ANKRD13C: variants seen among roughly 807,000 people sequenced by gnomAD.
ANKRD13C encodes ankyrin repeat domain-containing protein 13C.
Under a neutral mutation model 65.5 loss-of-function variants are expected in ANKRD13C, and 16 were observed. The observed-to-expected ratio is 0.24, with a 90% CI of 0.17 to 0.37. The LOEUF (loss-of-function observed/expected upper bound fraction) is 0.37. Among genes scored for constraint, ANKRD13C ranks in the 10% least tolerant of loss-of-function variants. The probability of loss-of-function intolerance (pLI) is 1.00; values close to 1 mark genes in which losing one functional copy is unlikely to be tolerated. For synonymous variants in ANKRD13C, 235 were observed against 238.7 expected, an observed-to-expected ratio of 0.98 and a Z score of 0.14; for missense variants, 503 against 655.9, an observed-to-expected ratio of 0.77 and a Z score of 2.55.
chr1:70,336,239 TA>T (rs1197711302), intron 1 of ANKRD13C, 140 bp from the exon 2 acceptor site: 1 of 243,614 alleles, frequency 4.1e-6, no homozygotes, highest in African/African-American at 2.3e-5. Flanking sequence ...TAATATTGCT[TA>T]TATAGCAAAT....
chr1:70,290,843 C>T (rs1250958712), intron 9 of ANKRD13C, among the ~76,000 whole-genome samples: 1 of 151,914 alleles, frequency 6.6e-6, no homozygotes, highest in Non-Finnish European at 1.5e-5. Flanking sequence ...CAGGTGCGAG[C>T]CACTGTGCCT....
chr1:70,276,965 T>C (rs1679167271), intron 9 of ANKRD13C, 121 bp from the exon 10 acceptor site: 2 of 753,100 alleles, frequency 2.7e-6, no homozygotes, highest in East Asian at 2.8e-5. Flanking sequence ...ATCTCTTCAA[T>C]ATAATACTTG....
intron 12 of ANKRD13C, among the ~76,000 whole-genome samples, chr1:70,270,242 G>A (rs1678820185): frequency 6.6e-6 from 1 of 152,134 alleles, no homozygotes; most frequent in Non-Finnish European, 1.5e-5. Context: ...TATTTCACAT[G>A]AAAAACATTA....
intron 6 of ANKRD13C, 149 bp from the exon 7 acceptor site, chr1:70,301,057 G>A: frequency 7.4e-6 from 5 of 673,858 alleles, no homozygotes; most frequent in South Asian, 6.1e-5. Flanking sequence ...CAAATTTATA[G>A]ATAAAAACTA....
chr1:70,330,365 C>A (rs1396057525), intron 2 of ANKRD13C, among the ~76,000 whole-genome samples: 1 of 152,038 alleles, frequency 6.6e-6, no homozygotes, highest in East Asian at 1.9e-4. Flanking sequence ...TGAGACCTGT[C>A]TGGCCAACAT....
chr1:70,285,880 C>T (rs888542919), intron 9 of ANKRD13C, among the ~76,000 whole-genome samples: 8 of 152,094 alleles, frequency 5.3e-5, no homozygotes, highest in East Asian at 3.9e-4. Flanking sequence ...CTGCCACCAC[C>T]GTGCCGGCCA....
At position 70,300,142 on chromosome 1, in the gene ANKRD13C, T is replaced by C. The variant is rs186778264; in HGVS notation, c.921+622A>G. Among the ~76,000 whole-genome samples the C allele has an allele frequency of 3.3e-4, 50 of 152,078 alleles. No individual in the cohort carries two copies. In the East Asian group the frequency reaches 8.3e-3, roughly 25 times the overall value. On this transcript the variant is annotated intron_variant, in intron 7 of 12. Transcript: ENST00000370944. ...AAAAGAAGGTAAGATAAAAAGATAATACATGGTAAAGGTCCAGCACAGGTT... is the reference window on the plus strand; with the variant it reads ...AAAAGAAGGTAAGATAAAAAGATAACACATGGTAAAGGTCCAGCACAGGTT...
chr1:70,291,878 G>T (rs1357635829), intron 9 of ANKRD13C, among the ~76,000 whole-genome samples: 1 of 152,002 alleles, frequency 6.6e-6, no homozygotes, highest in Non-Finnish European at 1.5e-5. Context: ...TAGCACTTTG[G>T]GAGGCTGAGG....
intron 1 of ANKRD13C, among the ~76,000 whole-genome samples, chr1:70,338,035 G>T (rs762114858): frequency 6.6e-6 from 1 of 152,076 alleles, no homozygotes; most frequent in Non-Finnish European, 1.5e-5. Context: ...GGAGGCGAAG[G>T]TTGCGGTGAA....
chr1:70,320,311 C>T (rs372955164), intron 3 of ANKRD13C, among the ~76,000 whole-genome samples: 1 of 151,928 alleles, frequency 6.6e-6, no homozygotes, highest in East Asian at 1.9e-4. Context: ...TAAAATATAA[C>T]AAAATATTAA....
chr1:70,309,723 A>AT (rs1336766625), intron 5 of ANKRD13C, among the ~76,000 whole-genome samples: 2 of 143,102 alleles, frequency 1.4e-5, no homozygotes, highest in East Asian at 4.3e-4. Context: ...CGCAAAAAAA[A>AT]AAAAAAAAAA....
rs1345015960 is a variant in ANKRD13C at position 70,354,438 on chromosome 1, G to T, written c.-30C>A. On this transcript the variant is annotated 5_prime_UTR_variant, in exon 1 of 13. Transcript: ENST00000370944. ...GCCGCCAGGGGCAAGGGGGGGAATC[G>T]GGAGGCTCACCGCTGGCGACGGAGC... The T allele has an allele frequency of 6.3e-7, 1 of 1,593,726 alleles. No individual in the cohort carries two copies. The highest frequency in any genetic ancestry group is 1.1e-5 in the South Asian group (1 of 88,566).
At chr1:70,299,143 C>T (rs979221199) in intron 7 of ANKRD13C, among the ~76,000 whole-genome samples, 1 of 152,080 alleles carries the variant, frequency 6.6e-6, no homozygotes, top group African/African-American at 2.4e-5. Flanking sequence ...AGTGCATGCC[C>T]TACAGGTGTG....
At chr1:70,265,869 A>AGAAGGAAG (rs148005087) in intron 12 of ANKRD13C, among the ~76,000 whole-genome samples, 1 of 146,960 alleles carries the variant, frequency 6.8e-6, no homozygotes, top group African/African-American at 2.6e-5. Context: ...AAAGAAAAGA[A>AGAAGGAAG]GAAGGAAGGA....
In ANKRD13C at chr1:70,342,176, A is replaced by C. The variant is rs371134001; in HGVS notation, c.431-6077T>G. On this transcript the variant is annotated intron_variant, in intron 1 of 12. Transcript: ENST00000370944. The stretch of plus-strand genomic sequence containing the variant: ...ATTTTAAAATAACTCTGAGATTCCA[A>C]GTGAAGACAAATACAAAATCTAGAC... Among the ~76,000 whole-genome samples the C allele has an allele frequency of 5.1e-4, 77 of 152,218 alleles. 2 individuals are homozygous for C. The highest frequency in any genetic ancestry group is 3.4e-3 in the Middle Eastern group (1 of 294).
At chr1:70,293,357 T>C (rs766403313) in intron 8 of ANKRD13C, 1 of 153,844 alleles carries the variant, frequency 6.5e-6, no homozygotes, top group Non-Finnish European at 1.4e-5. Context: ...GCAAATCACA[T>C]GTCTCCACCC....
chr1:70,329,247 T>C (rs746133535), intron 2 of ANKRD13C, among the ~76,000 whole-genome samples: 20 of 152,046 alleles, frequency 1.3e-4, no homozygotes, highest in Non-Finnish European at 2.2e-4. Flanking sequence ...AAGAAAAAAA[T>C]AGGCCAGGAG....
At chr1:70,307,054 T>C (rs1331780212) in intron 5 of ANKRD13C, among the ~76,000 whole-genome samples, 1 of 152,186 alleles carries the variant, frequency 6.6e-6, no homozygotes, top group African/African-American at 2.4e-5. Context: ...GAGGTACATG[T>C]GTACATAAGT....
rs1678331154 is a variant in ANKRD13C at position 70,259,735 on chromosome 1, T to A, written c.*2982A>T. Among the ~76,000 whole-genome samples the A allele has an allele frequency of 6.6e-6, 1 of 152,192 alleles. No homozygotes were observed. The highest frequency in any genetic ancestry group is 6.5e-5 in the Admixed American group (1 of 15,278). Reference sequence around the variant, plus strand: ...TCCATTTCTCTAGTGGGGGCAAGTTTTACACCAGTTGCTTTTCTCTAGCAT... The same window carrying A: ...TCCATTTCTCTAGTGGGGGCAAGTTATACACCAGTTGCTTTTCTCTAGCAT... On this transcript the variant is annotated 3_prime_UTR_variant, in exon 13 of 13. Transcript: ENST00000370944.
Sources: gnomAD v4.1 joint callset for allele counts (sites outside exome capture counted in the v4.1 genomes callset) on GRCh38, gnomAD v4.1.1 for gene constraint, MANE v1.5 for transcripts, NCBI Gene and HGNC (gene_info 2026-07-23, HGNC 2026-07-21) for gene names.